Variants in PRKDC observed in about 807,000 individuals in gnomAD.
The protein encoded by PRKDC is DNA-dependent protein kinase catalytic subunit.
Under a neutral mutation model 486.9 loss-of-function variants are expected in PRKDC, and 82 were observed. The ratio of observed to expected loss-of-function variants is 0.17; its 90% confidence interval spans 0.14 to 0.20. The LOEUF is 0.20. Ranked by LOEUF, PRKDC falls within the 10% of genes least tolerant of loss-of-function variation. PRKDC has a pLI of 1.00. For synonymous variants in PRKDC, 1,895 were observed against 1,837.0 expected, an observed-to-expected ratio of 1.03 and a Z score of -0.81; for missense variants, 4,504 against 5,038.2, an observed-to-expected ratio of 0.89 and a Z score of 3.21.
At chr8:47,800,226 A>G (rs974677009) in intron 71 of PRKDC, among the ~76,000 whole-genome samples, 5 of 152,164 alleles carry the variant, frequency 3.3e-5, no homozygotes, top group African/African-American at 7.2e-5. Context: ...CAACAATGAT[A>G]GACTGGATTA....
chr8:47,788,949 G>A lies in PRKDC; in HGVS notation c.10859C>T (p.Pro3620Leu). ...YERMYAALGD[P>L]KAPGLGAFRR... ...AAAGGCCCCCAGGCCTGGAGCCTTT[G>A]GGTCACCCAAGGCTGCATACATTCT... is the stretch of plus-strand genomic sequence containing the variant. Residue 3620 changes from proline (P) to leucine (L), a missense_variant, in exon 76 of 86, where the codon CCA (proline) becomes CTA (leucine). By Grantham distance (98) the Pro-to-Leu change is moderately conservative. Transcript: ENST00000314191. 6.2e-7 allele frequency: 1 copy of A among 1,611,866 alleles called. No homozygotes were observed. Among genetic ancestry groups the A allele is most frequent in the Non-Finnish European group, 8.5e-7 (1 of 1,179,162 alleles).
chr8:47,847,753 C>T (rs994111368), intron 54 of PRKDC, among the ~76,000 whole-genome samples: 2 of 151,828 alleles, frequency 1.3e-5, no homozygotes, highest in African/African-American at 2.4e-5. Flanking sequence ...AAACTATGCA[C>T]CTAACGAAGG....
chr8:47,932,057 A>AT lies in PRKDC; in HGVS notation c.1776+962dup, dbSNP rs960660222. Among the ~76,000 whole-genome samples, 28 of 150,132 alleles carry AT rather than the reference A, an allele frequency of 1.9e-4. 3 individuals carry two copies. The highest frequency in any genetic ancestry group is 6.4e-4 in the African/African-American group (26 of 40,828). ...AGGTGCCCGCCACCACGCCCGGCTC[A>AT]TTTTTTTTGTATTTTGTTTGTTTGT... On this transcript the variant is annotated intron_variant, in intron 16 of 85. Transcript: ENST00000314191.
At chr8:47,833,285 A>T (rs553606894) in intron 59 of PRKDC, among the ~76,000 whole-genome samples, 2 of 152,336 alleles carry the variant, frequency 1.3e-5, no homozygotes, top group East Asian at 3.9e-4. Flanking sequence ...CGATTAGATA[A>T]GAAGGCAGGG....
chr8:47,947,168 G>A (rs1003999274), intron 7 of PRKDC, among the ~76,000 whole-genome samples: 1 of 152,192 alleles, frequency 6.6e-6, no homozygotes, highest in African/African-American at 2.4e-5. Flanking sequence ...ATGGGGCCAG[G>A]TGCTGAGCAG....
In PRKDC at chr8:47,818,803, G is replaced by C. The variant is rs1013412402; in HGVS notation, c.9445+599C>G. 6.7e-4 allele frequency among the ~76,000 whole-genome samples: 102 copies of C among 152,066 alleles called. 1 individual carries two copies. Among genetic ancestry groups the C allele is most frequent in the African/African-American group, 2.4e-3 (98 of 41,484 alleles). On this transcript the variant is annotated intron_variant, in intron 67 of 85. Coordinates refer to ENST00000314191, the MANE Select transcript of PRKDC (RefSeq NM_006904.7). Reference sequence around the variant, plus strand: ...TTTGTAATTAATTTTAATTATTTAGGACAAAAATGAAATTCAGATTAACAA... The same window carrying C: ...TTTGTAATTAATTTTAATTATTTAGCACAAAAATGAAATTCAGATTAACAA...
intron 1 of PRKDC, among the ~76,000 whole-genome samples, chr8:47,957,765 C>T (rs1292589911): frequency 2.6e-5 from 4 of 152,180 alleles, no homozygotes; most frequent in African/African-American, 7.2e-5. Context: ...CAGCCCGCCT[C>T]GGCCTCCCAA....
In PRKDC at chr8:47,935,746, CAATTCCTG is replaced by C; in HGVS notation, c.1425_1432del (p.Arg476HisfsTer2). On this transcript the variant is annotated frameshift_variant, in exon 13 of 86. Transcript: ENST00000314191. LOFTEE classifies it high-confidence loss of function. ...TGCAAACTTACCCACAGTACTAATG[CAATTCCTG>C]AGAACTGGCCCTTTTGCTGCCAAAG... 1 of 1,613,760 alleles carries C rather than the reference CAATTCCTG, an allele frequency of 6.2e-7. No homozygotes were observed. Among genetic ancestry groups the C allele is most frequent in the Non-Finnish European group, 8.5e-7 (1 of 1,179,818 alleles).
Position 47,935,880 on chromosome 8 carries a change from T to C in PRKDC, c.1299A>G (p.Pro433=), listed in dbSNP as rs1426431418. Residue 433 remains proline, a synonymous_variant, in exon 13 of 86, where the codon CCA becomes CCG. Transcript: ENST00000314191. ...YLDTVPEVYT[P]VLEHLVVMQI... ...GCATCACCACGAGGTGCTCCAGAAC[T>C]GGAGTATACACCTCAGGAACCTACC... 3.7e-6 allele frequency: 6 copies of C among 1,613,842 alleles called. No homozygotes were observed. The highest frequency in any genetic ancestry group is 5.1e-6 in the Non-Finnish European group (6 of 1,179,808).
intron 14 of PRKDC, among the ~76,000 whole-genome samples, chr8:47,934,733 A>G (rs1444526934): frequency 6.6e-6 from 1 of 152,198 alleles, no homozygotes; most frequent in Non-Finnish European, 1.5e-5. Context: ...TGCCTCCCTT[A>G]GCAATTTGTC....
intron 29 of PRKDC, 122 bp from the exon 30 acceptor site, chr8:47,897,416 G>T: frequency 1.0e-6 from 1 of 966,026 alleles, no homozygotes; most frequent in Non-Finnish European, 1.4e-6. Flanking sequence ...TCACTAAAAG[G>T]CATTCGACTT....
intron 54 of PRKDC, among the ~76,000 whole-genome samples, chr8:47,841,035 C>T (rs1057188749): frequency 6.6e-6 from 1 of 152,208 alleles, no homozygotes; most frequent in Non-Finnish European, 1.5e-5. Flanking sequence ...GCTGGGAAGC[C>T]TGCACAGTCT....
intron 57 of PRKDC, 141 bp from the exon 58 acceptor site, chr8:47,836,668 G>A (rs892089591): frequency 3.8e-6 from 3 of 790,946 alleles, no homozygotes; most frequent in African/African-American, 1.8e-5. Context: ...AGCTGAAGAA[G>A]AACCTTCTCT....
chr8:47,899,179 T>C (rs1037936919), intron 28 of PRKDC, among the ~76,000 whole-genome samples: 1 of 152,208 alleles, frequency 6.6e-6, no homozygotes, highest in Non-Finnish European at 1.5e-5. Flanking sequence ...TTTTTAAATA[T>C]GTCCGTGATC....
At chr8:47,828,640 T>C (rs1393692295) in intron 61 of PRKDC, among the ~76,000 whole-genome samples, 3 of 152,130 alleles carry the variant, frequency 2.0e-5, no homozygotes, top group Admixed American at 6.6e-5. Flanking sequence ...TAAGTCTGGG[T>C]CTCCAATCTT....
chr8:47,787,946 T>A (rs761970063), intron 76 of PRKDC, among the ~76,000 whole-genome samples: 2 of 152,214 alleles, frequency 1.3e-5, no homozygotes, highest in Non-Finnish European at 2.9e-5. Context: ...TTAAGGACCA[T>A]GTGAATTATA....
rs546912320 is a variant in PRKDC at position 47,948,619 on chromosome 8, C to T, written c.722-4590G>A. On this transcript the variant is annotated intron_variant, in intron 7 of 85. Coordinates refer to ENST00000314191, the MANE Select transcript of PRKDC (RefSeq NM_006904.7). Reference sequence around the variant, plus strand: ...GGATTACAGGCATGCGCCACCACGCCCAGCTAATTTTTTGTATTTTTTAGT... The same window carrying T: ...GGATTACAGGCATGCGCCACCACGCTCAGCTAATTTTTTGTATTTTTTAGT... Among the ~76,000 whole-genome samples the T allele has an allele frequency of 2.9e-3, 441 of 152,010 alleles. 3 individuals carry two copies. The highest frequency in any genetic ancestry group is 0.01 in the African/African-American group (432 of 41,474).
In PRKDC at chr8:47,914,004, C is replaced by T. The variant is rs763118530; in HGVS notation, c.2678G>A (p.Ser893Asn). 1.9e-6 allele frequency: 3 copies of T among 1,603,076 alleles called. No homozygotes were observed. Among genetic ancestry groups the T allele is most frequent in the Middle Eastern group, 3.3e-4 (2 of 6,034 alleles). ...CATCTCTCTAAAGGGCACTGCAAAG[C>T]TCAGCCGCTTCTCTCTGTCCCAGGC... The part of the protein sequence containing the change: ...YVAWDREKRL[S>N]FAVPFREMKP... Residue 893 changes from serine to asparagine, a missense_variant, in exon 24 of 86, where the codon AGC (serine) becomes AAC (asparagine). Physicochemically the swap from Ser to Asn is conservative, Grantham distance 46 (BLOSUM62 1). Around this residue, in one of 6 missense-constraint regions of PRKDC, gnomAD observed 1,969 missense variants for 2,068.9 expected, o/e 0.95. Coordinates refer to ENST00000314191, the MANE Select transcript of PRKDC (RefSeq NM_006904.7).
intron 80 of PRKDC, among the ~76,000 whole-genome samples, chr8:47,781,880 C>T (rs1349032520): frequency 1.3e-5 from 2 of 152,234 alleles, no homozygotes; most frequent in African/African-American, 4.8e-5. Flanking sequence ...ACCTAGCCCA[C>T]AGAAAATGTT....
Sources: allele counts gnomAD v4.1 joint callset (sites outside exome capture counted in the v4.1 genomes callset), GRCh38; gene constraint gnomAD v4.1.1; regional missense constraint gnomAD v4.1.1; transcripts MANE v1.5; gene names NCBI Gene and HGNC (gene_info 2026-07-23, HGNC 2026-07-21).